The following EPB41L2 variants were observed in gnomAD, a reference collection of about 807,000 sequenced individuals.
EPB41L2 encodes the protein band 4.1-like protein 2.
Under a neutral mutation model 113.0 loss-of-function variants are expected in EPB41L2, and 43 were observed. The ratio of observed to expected loss-of-function variants is 0.38; its 90% CI spans 0.30 to 0.49. EPB41L2 has a LOEUF of 0.49. EPB41L2 is among the 20% of genes least tolerant of loss of function. The pLI is 0.95. For synonymous variants in EPB41L2, 442 were observed against 436.7 expected, an observed-to-expected ratio of 1.01 and a Z score of -0.15; for missense variants, 1,147 against 1,223.4, an observed-to-expected ratio of 0.94 and a Z score of 0.93.
intron 1 of EPB41L2, among the ~76,000 whole-genome samples, chr6:130,987,990 C>A (rs1037150766): frequency 1.3e-5 from 2 of 151,928 alleles, no homozygotes; most frequent in Non-Finnish European, 1.5e-5. Context: ...GTGGTACATG[C>A]CTGTGGTCCC....
intron 1 of EPB41L2, among the ~76,000 whole-genome samples, chr6:130,982,353 C>G (rs534999811): frequency 4.7e-4 from 72 of 152,318 alleles, no homozygotes; most frequent in African/African-American, 1.7e-3. Flanking sequence ...AAACCTCATT[C>G]TATAAACTTC....
intron 3 of EPB41L2, among the ~76,000 whole-genome samples, chr6:130,935,064 A>G (rs961553604): frequency 6.6e-6 from 1 of 152,202 alleles, no homozygotes; most frequent in African/African-American, 2.4e-5. Flanking sequence ...GGATTATGAC[A>G]GAATATTGGG....
At chr6:130,854,682 C>T (rs963367865) in intron 19 of EPB41L2, among the ~76,000 whole-genome samples, 3 of 152,060 alleles carry the variant, frequency 2.0e-5, no homozygotes, top group African/African-American at 7.2e-5. Flanking sequence ...GTGCTATTAC[C>T]TTATGTTTGT....
At chr6:130,841,494 C>A (rs760252923) in intron 19 of EPB41L2, among the ~76,000 whole-genome samples, 10 of 152,106 alleles carry the variant, frequency 6.6e-5, no homozygotes, top group Non-Finnish European at 1.5e-4. Flanking sequence ...CTGAAGCCGG[C>A]AAGGAGTAGA....
chr6:131,006,418 T>C (rs1249622822), intron 1 of EPB41L2, among the ~76,000 whole-genome samples: 1 of 151,050 alleles, frequency 6.6e-6, no homozygotes, highest in Non-Finnish European at 1.5e-5. Context: ...TCCCAACACT[T>C]TGGGAGGCCG....
intron 1 of EPB41L2, among the ~76,000 whole-genome samples, chr6:131,006,958 C>A (rs1277830329): frequency 1.3e-5 from 2 of 152,182 alleles, no homozygotes; most frequent in Non-Finnish European, 2.9e-5. Flanking sequence ...GGGCCCCAAT[C>A]ACATCTTAAC....
chr6:130,872,466 T>A, intron 14 of EPB41L2: 3 of 1,289,350 alleles, frequency 2.3e-6, no homozygotes, highest in Non-Finnish European at 3.0e-6. Context: ...GTGGCTGAAG[T>A]GAAGGTGGCT....
At chr6:130,880,078 G>A (rs1170191540) in intron 13 of EPB41L2, 66 bp downstream of exon 13, 22 of 1,232,194 alleles carry the variant, frequency 1.8e-5, no homozygotes, top group Admixed American at 1.1e-4. Context: ...CAGCCTAGGC[G>A]TGACCTCCCG....
chr6:130,961,157 A>C (rs1270690209), intron 1 of EPB41L2, among the ~76,000 whole-genome samples: 1 of 152,222 alleles, frequency 6.6e-6, no homozygotes, highest in East Asian at 1.9e-4. Context: ...ATAATTACCC[A>C]AAATCCATCA....
At chr6:131,047,378 T>C (rs992821101) in intron 1 of EPB41L2, among the ~76,000 whole-genome samples, 1 of 152,136 alleles carries the variant, frequency 6.6e-6, no homozygotes, top group Admixed American at 6.5e-5. Context: ...AAAGTGCCTA[T>C]AGAACAGTGT....
intron 8 of EPB41L2, among the ~76,000 whole-genome samples, chr6:130,896,576 T>C (rs1794729507): frequency 6.6e-6 from 1 of 152,230 alleles, no homozygotes; most frequent in Non-Finnish European, 1.5e-5. Flanking sequence ...GGAAGCTATT[T>C]TATCTGACTT....
intron 4 of EPB41L2, among the ~76,000 whole-genome samples, chr6:130,917,383 G>T (rs1801450777): frequency 6.6e-6 from 1 of 152,264 alleles, no homozygotes; most frequent in Non-Finnish European, 1.5e-5. Context: ...CTGTTAATAA[G>T]TTGGTTTAGT....
intron 1 of EPB41L2, among the ~76,000 whole-genome samples, chr6:131,023,375 G>A (rs9492784): frequency 0.16 from 25,036 of 152,012 alleles, 2,184 homozygotes; most frequent in African/African-American, 0.22. Context: ...TATTTAGTAA[G>A]CCAAAGATTT....
chr6:130,983,202 A>G (rs1198395905), intron 1 of EPB41L2, among the ~76,000 whole-genome samples: 1 of 152,246 alleles, frequency 6.6e-6, no homozygotes, highest in East Asian at 1.9e-4. Context: ...TGAAAGTTGC[A>G]GATGTTTCTA....
chr6:130,860,429 T>C (rs1309987604), intron 18 of EPB41L2, among the ~76,000 whole-genome samples: 1 of 152,252 alleles, frequency 6.6e-6, no homozygotes, highest in Non-Finnish European at 1.5e-5. Context: ...TTTCATTCCA[T>C]AATATCAGCA....
intron 1 of EPB41L2, among the ~76,000 whole-genome samples, chr6:131,053,512 A>T (rs1241709074): frequency 6.6e-6 from 1 of 151,472 alleles, no homozygotes; most frequent in Non-Finnish European, 1.5e-5. Flanking sequence ...GCTTCTAGTC[A>T]GCAAAGGCAG....
At chr6:130,905,012 G>A (rs1312103023) in intron 5 of EPB41L2, among the ~76,000 whole-genome samples, 2 of 151,488 alleles carry the variant, frequency 1.3e-5, no homozygotes, top group Non-Finnish European at 2.9e-5. Flanking sequence ...TTATTAATGG[G>A]CTATTTGAAG....
intron 1 of EPB41L2, among the ~76,000 whole-genome samples, chr6:131,039,786 C>G (rs183824087): frequency 5.9e-5 from 9 of 151,330 alleles, no homozygotes; most frequent in Admixed American, 3.3e-4. Flanking sequence ...GACTGAAACA[C>G]TGAATATATA....
At chr6:130,872,231 T>C in intron 14 of EPB41L2, 1 of 603,450 alleles carries the variant, frequency 1.7e-6, no homozygotes, top group Admixed American at 4.3e-5. Context: ...AATTCAGTCA[T>C]TGTTTCTTGA....
Sources: allele counts gnomAD v4.1 joint callset (sites outside exome capture counted in the v4.1 genomes callset), GRCh38; gene constraint gnomAD v4.1.1; transcripts MANE v1.5; gene names NCBI Gene and HGNC (gene_info 2026-07-23, HGNC 2026-07-21).